GOLIM4: variants seen among roughly 807,000 people sequenced by gnomAD.
GOLIM4 encodes the protein 130 kDa golgi-localized phosphoprotein.
GOLIM4 carries 71 observed loss-of-function variants against 107.4 expected under a neutral mutation model. The ratio of observed to expected loss-of-function variants is 0.66; its 90% confidence interval spans 0.55 to 0.81. The LOEUF is 0.81. Among genes scored for constraint, GOLIM4 ranks in the 30% least tolerant of loss-of-function variants. The pLI, the probability that GOLIM4 is intolerant of heterozygous loss-of-function variation, is 0.00. For synonymous variants in GOLIM4, 327 were observed against 294.8 expected, an observed-to-expected ratio of 1.11 and a Z score of -1.12; for missense variants, 830 against 826.1, an observed-to-expected ratio of 1.00 and a Z score of -0.06.
chr3:168,069,430 C>A (rs1354252644), intron 1 of GOLIM4, among the ~76,000 whole-genome samples: 1 of 152,124 alleles, frequency 6.6e-6, no homozygotes, highest in Non-Finnish European at 1.5e-5. Context: ...GCAATTAATA[C>A]AGTTTGAAAT....
chr3:168,025,071 G>C lies in GOLIM4; in HGVS notation c.1648C>G (p.Pro550Ala), dbSNP rs762557107. ...CCTTGATTATTAGGGTCATCTGCTG[G>C]GTTTATATCTTCTACAGCTGCCCTC... Reference protein sequence around the residue: ...ADRAAVEDINPADDPNNQGED... With the variant: ...ADRAAVEDINAADDPNNQGED... The change falls in exon 13 of 16, where the codon CCA (proline) becomes GCA (alanine). Residue 550 changes from proline to alanine, a missense_variant. Transcript: ENST00000470487. 6 of 1,613,378 alleles carry C rather than the reference G, an allele frequency of 3.7e-6. No individual in the cohort carries two copies. The highest frequency in any genetic ancestry group is 5.1e-6 in the Non-Finnish European group (6 of 1,179,682).
At chr3:168,026,393 C>T (rs751088013) in intron 12 of GOLIM4, among the ~76,000 whole-genome samples, 1 of 152,130 alleles carries the variant, frequency 6.6e-6, no homozygotes, top group South Asian at 2.1e-4. Flanking sequence ...ACTCCGACCA[C>T]GTAACAGGTA....
intron 1 of GOLIM4, among the ~76,000 whole-genome samples, chr3:168,088,066 T>C (rs932639068): frequency 2.6e-5 from 4 of 152,136 alleles, no homozygotes; most frequent in Admixed American, 1.3e-4. Context: ...CCATAAACCA[T>C]CTACTGGCAA....
intron 1 of GOLIM4, among the ~76,000 whole-genome samples, chr3:168,053,655 G>A (rs756728700): frequency 5.9e-5 from 9 of 152,162 alleles, no homozygotes; most frequent in Non-Finnish European, 1.0e-4. Flanking sequence ...TGGGGCTAAT[G>A]TCATAGAAAT....
At chr3:168,056,241 C>T (rs141991178) in intron 1 of GOLIM4, among the ~76,000 whole-genome samples, 2,502 of 152,324 alleles carry the variant, frequency 0.016, 47 homozygotes, top group African/African-American at 0.053. Context: ...AGCTTCCACA[C>T]GGTGCTGAGC....
chr3:168,048,431 T>TTTTAG, intron 1 of GOLIM4, 66 bp from the exon 2 acceptor site: 1 of 746,876 alleles, frequency 1.3e-6, no homozygotes, highest in Non-Finnish European at 2.3e-6. Flanking sequence ...TTAACATCAA[T>TTTTAG]TTTTAAAACA....
At chr3:168,077,730 T>C (rs1042143290) in intron 1 of GOLIM4, among the ~76,000 whole-genome samples, 3 of 152,184 alleles carry the variant, frequency 2.0e-5, no homozygotes, top group African/African-American at 7.2e-5. Context: ...ATAATTTTCT[T>C]TGGCTATATT....
intron 3 of GOLIM4, 139 bp from the exon 4 acceptor site, chr3:168,045,020 T>C (rs1719221729): frequency 2.0e-5 from 11 of 539,392 alleles, no homozygotes; most frequent in Non-Finnish European, 3.5e-5. Context: ...AACCAAGATG[T>C]CGCTGGAGCC....
At chr3:168,093,395 T>C (rs1019001865) in intron 1 of GOLIM4, among the ~76,000 whole-genome samples, 18 of 152,180 alleles carry the variant, frequency 1.2e-4, no homozygotes, top group Non-Finnish European at 2.5e-4. Flanking sequence ...CCCTAATGAG[T>C]GTCAGGCACA....
rs766312911 is a variant in GOLIM4, at chr3:168,010,298, C to A, written c.2062G>T (p.Glu688Ter). 9.3e-6 allele frequency: 15 copies of A among 1,613,138 alleles called. No homozygotes were observed. The highest frequency in any genetic ancestry group is 1.0e-5 in the Non-Finnish European group (12 of 1,179,594). ...ATTTCAGCTCTTCGATGTGATTTCT[C>A]AGCAACTGCAGCCCCGTCTTCTTCC... is the stretch of plus-strand genomic sequence containing the variant. ...EEEEDGAAVAEKSHRRAEM is the reference protein window; with the variant it reads ...EEEEDGAAVA The change falls in exon 16 of 16, where the codon GAG becomes TAG. Residue 688 changes from glutamate to a stop codon, truncating the protein, a stop_gained. Transcript: ENST00000470487. LOFTEE classifies it high-confidence loss of function.
intron 1 of GOLIM4, among the ~76,000 whole-genome samples, chr3:168,056,582 C>T (rs574906467): frequency 4.6e-5 from 7 of 152,294 alleles, no homozygotes; most frequent in East Asian, 3.9e-4. Context: ...GCCAAAGGGG[C>T]GGAGCTGCCC....
rs796943252 is a variant in GOLIM4 at position 168,055,057 on chromosome 3, G to C, written c.188-6692C>G. Among the ~76,000 whole-genome samples the C allele has an allele frequency of 3.3e-5, 5 of 152,124 alleles. No individual in the cohort carries two copies. The South Asian group carries it at 1.0e-3, about 32-fold the overall frequency. On this transcript the variant is annotated intron_variant, in intron 1 of 15. Transcript: ENST00000470487. ...TAAGTCCAATAAACTGCTTTCTTTT[G>C]TAAATTGCCCAGTCTGGAGTATGTT...
intron 12 of GOLIM4, among the ~76,000 whole-genome samples, chr3:168,027,227 C>T (rs766043853): frequency 1.1e-4 from 17 of 152,138 alleles, no homozygotes; most frequent in Non-Finnish European, 2.2e-4. Context: ...TGTCTCAGAC[C>T]ACATATCCTT....
chr3:168,010,358 C>G lies in GOLIM4; in HGVS notation c.2002G>C (p.Gly668Arg), dbSNP rs748523087. Reference sequence around the variant, plus strand: ...TCCTCCTCGTAGTGTTCCTCTCGGCCTTTGGGGCGGTTGTCATCTCGAACT... The same window carrying G: ...TCCTCCTCGTAGTGTTCCTCTCGGCGTTTGGGGCGGTTGTCATCTCGAACT... ...QEVRDDNRPK[G>R]REEHYEEEEE... The change falls in exon 16 of 16, where the codon GGC becomes CGC. Residue 668 changes from glycine to arginine, a missense_variant. Physicochemically the swap from Gly to Arg is moderately radical, Grantham distance 125 (BLOSUM62 -2). Coordinates refer to ENST00000470487, the MANE Select transcript of GOLIM4 (RefSeq NM_014498.5). 6.2e-6 allele frequency: 10 copies of G among 1,613,236 alleles called. No homozygotes were observed. Among genetic ancestry groups the G allele is most frequent in the Non-Finnish European group, 8.5e-6 (10 of 1,179,428 alleles).
intron 1 of GOLIM4, among the ~76,000 whole-genome samples, chr3:168,089,768 TC>T (rs919040142): frequency 7.1e-6 from 1 of 139,900 alleles, no homozygotes; most frequent in African/African-American, 3.0e-5. Flanking sequence ...GATGTTTCTC[TC>T]TTTTTTTTTT....
intron 14 of GOLIM4, among the ~76,000 whole-genome samples, chr3:168,016,834 T>A (rs866009984): frequency 2.0e-4 from 28 of 140,754 alleles, no homozygotes; most frequent in African/African-American, 8.4e-4. Context: ...TAGGTGGGAA[T>A]TGAACAATGA....
chr3:168,062,522 A>C (rs532190466), intron 1 of GOLIM4, among the ~76,000 whole-genome samples: 11 of 152,218 alleles, frequency 7.2e-5, no homozygotes, highest in African/African-American at 2.4e-4. Context: ...CTTTTTTAAA[A>C]AGATTTTGTC....
At chr3:168,088,433 C>T (rs1403094) in intron 1 of GOLIM4, among the ~76,000 whole-genome samples, 152,288 of 152,320 alleles carry the variant, frequency 1, 76,128 homozygotes, top group Middle Eastern at 1. Flanking sequence ...CTCGTCACTT[C>T]AGATGCACTA....
chr3:168,039,976 T>C (rs186785290), intron 7 of GOLIM4, among the ~76,000 whole-genome samples: 1 of 152,298 alleles, frequency 6.6e-6, no homozygotes, highest in East Asian at 1.9e-4. Context: ...TTATACCTTT[T>C]AATAATTTTA....
Sources: gnomAD v4.1 joint callset for allele counts (sites outside exome capture counted in the v4.1 genomes callset) on GRCh38, gnomAD v4.1.1 for gene constraint, MANE v1.5 for transcripts, NCBI Gene and HGNC (gene_info 2026-07-23, HGNC 2026-07-21) for gene names.